Variants in PGCKA1 observed in about 807,000 individuals in gnomAD.
The protein encoded by PGCKA1 is PDCD10 and GCKIII kinases-associated protein 1.
chr4:37,555,543 A>G, the PGCKA1 span, among the ~76,000 whole-genome samples: 1 of 152,198 alleles, frequency 6.6e-6, no homozygotes, highest in Non-Finnish European at 1.5e-5. Flanking sequence ...TCTTCTCTTC[A>G]GAAATGCTGC....
At chr4:37,492,611 A>C in the PGCKA1 span, among the ~76,000 whole-genome samples, 1 of 152,158 alleles carries the variant, frequency 6.6e-6, no homozygotes, top group Admixed American at 6.5e-5. The surrounding 1 kb of genome is among the most constrained non-coding windows in gnomAD (Gnocchi z 4.7). Context: ...GGGCATATTT[A>C]CTTAATCCTC....
the PGCKA1 span, among the ~76,000 whole-genome samples, chr4:37,554,705 G>A: frequency 6.6e-6 from 1 of 152,180 alleles, no homozygotes; most frequent in Non-Finnish European, 1.5e-5. Context: ...AAGTCTTCCT[G>A]GAGAAAGTGG....
chr4:37,512,070 C>G, the PGCKA1 span, among the ~76,000 whole-genome samples: 1 of 152,210 alleles, frequency 6.6e-6, no homozygotes, highest in East Asian at 1.9e-4. Flanking sequence ...TTCAAGTGCA[C>G]AGATTCTTGG....
At chr4:37,502,270 G>A in the PGCKA1 span, among the ~76,000 whole-genome samples, 1 of 152,242 alleles carries the variant, frequency 6.6e-6, no homozygotes, top group Non-Finnish European at 1.5e-5. Context: ...GTAGGTGCAA[G>A]CGGGTGCCGG....
At chr4:37,561,634 A>G in the PGCKA1 span, among the ~76,000 whole-genome samples, 2 of 152,352 alleles carry the variant, frequency 1.3e-5, no homozygotes, top group East Asian at 3.9e-4. Flanking sequence ...TAAGTTTCTT[A>G]TTAATTTTAA....
At chr4:37,486,242 A>AT in the PGCKA1 span, among the ~76,000 whole-genome samples, 6 of 151,468 alleles carry the variant, frequency 4.0e-5, no homozygotes, top group African/African-American at 9.7e-5. Flanking sequence ...TTAGGTGAAG[A>AT]TTTTTTTTTC....
chr4:37,574,261 A>G, the PGCKA1 span, among the ~76,000 whole-genome samples: 1 of 152,066 alleles, frequency 6.6e-6, no homozygotes, highest in Admixed American at 6.5e-5. Context: ...CATACCTTTG[A>G]TTGTTAATCA....
At chr4:37,575,069 A>G in the PGCKA1 span, among the ~76,000 whole-genome samples, 1 of 152,182 alleles carries the variant, frequency 6.6e-6, no homozygotes, top group Non-Finnish European at 1.5e-5. Context: ...ATGGGAGTGC[A>G]GGTATCTCTT....
chr4:37,542,052 C>T, the PGCKA1 span, among the ~76,000 whole-genome samples: 2 of 152,172 alleles, frequency 1.3e-5, no homozygotes, highest in East Asian at 3.9e-4. Context: ...GTCTCAATCC[C>T]CTGTACAGCG....
chr4:37,590,794 G>A, the PGCKA1 span: 1 of 1,614,134 alleles, frequency 6.2e-7, no homozygotes, highest in Non-Finnish European at 8.5e-7. Context: ...TGAGGATGTG[G>A]AAACAGAAGT....
the PGCKA1 span, among the ~76,000 whole-genome samples, chr4:37,564,859 G>A: frequency 7.2e-5 from 11 of 152,060 alleles, no homozygotes; most frequent in South Asian, 6.2e-4. Context: ...TGCTGAGCTT[G>A]TTAGAAACAC....
chr4:37,481,669 C>G, the PGCKA1 span, among the ~76,000 whole-genome samples: 3 of 152,024 alleles, frequency 2.0e-5, no homozygotes, highest in African/African-American at 7.3e-5. Flanking sequence ...TGGTTTAAGA[C>G]CTATCCTAAT....
chr4:37,560,791 C>T, the PGCKA1 span, among the ~76,000 whole-genome samples: 9 of 148,308 alleles, frequency 6.1e-5, no homozygotes, highest in African/African-American at 2.0e-4. Context: ...TGTATTTCTT[C>T]ATTAGTGATC....
chr4:37,551,437 G>T, the PGCKA1 span, among the ~76,000 whole-genome samples: 5 of 152,192 alleles, frequency 3.3e-5, no homozygotes, highest in Non-Finnish European at 7.3e-5. Flanking sequence ...TCATATGGTT[G>T]CAAGCTGTTT....
chr4:37,592,076 C>T, the PGCKA1 span, among the ~76,000 whole-genome samples: 3,967 of 151,942 alleles, frequency 0.026, 74 homozygotes, highest in South Asian at 0.056. Context: ...GGCACGGTGG[C>T]GGGCGCCTGT....
At chr4:37,460,029 C>A in the PGCKA1 span, among the ~76,000 whole-genome samples, 1 of 152,030 alleles carries the variant, frequency 6.6e-6, no homozygotes, top group Non-Finnish European at 1.5e-5. Context: ...TTGTTCCCCT[C>A]CCTGTGTTCA....
chr4:37,480,370 G>A, the PGCKA1 span, among the ~76,000 whole-genome samples: 1 of 152,220 alleles, frequency 6.6e-6, no homozygotes, highest in East Asian at 1.9e-4. Flanking sequence ...GCACGTGCCT[G>A]TGATCCCAGT....
At chr4:37,553,972 A>G in the PGCKA1 span, among the ~76,000 whole-genome samples, 1 of 152,228 alleles carries the variant, frequency 6.6e-6, no homozygotes, top group Non-Finnish European at 1.5e-5. Flanking sequence ...ACCTTGATAC[A>G]GTGATATAGT....
the PGCKA1 span, among the ~76,000 whole-genome samples, chr4:37,519,201 A>G: frequency 6.6e-6 from 1 of 151,646 alleles, no homozygotes; most frequent in African/African-American, 2.4e-5. Flanking sequence ...AGGGAATATG[A>G]TTTCTCCAGT....
Sources: allele counts gnomAD v4.1 joint callset (sites outside exome capture counted in the v4.1 genomes callset), GRCh38; gene constraint gnomAD v4.1.1; non-coding constraint Gnocchi (gnomAD v3.1); transcripts MANE v1.5; gene names NCBI Gene and HGNC (gene_info 2026-07-23, HGNC 2026-07-21).